Variants in CD163L1 observed in about 807,000 individuals in gnomAD.
The protein encoded by CD163L1 is CD163 molecule like 1, also known as scavenger receptor cysteine-rich type 1 protein M160.
A neutral mutation model predicts 165.4 loss-of-function variants in CD163L1; 124 were observed. That is an observed-to-expected ratio of 0.75 (90% CI 0.65 to 0.87). CD163L1 has a LOEUF of 0.87. CD163L1 is among the 40% of genes least tolerant of loss of function. The pLI is 0.00. For synonymous variants in CD163L1, 585 were observed against 662.2 expected (o/e 0.88, Z 1.79); for missense variants, 1,525 against 1,799.9 (o/e 0.85, Z 2.76).
At chr12:7,373,108 C>A (rs1352317000) in intron 14 of CD163L1, among the ~76,000 whole-genome samples, 1 of 152,026 alleles carries the variant, frequency 6.6e-6, no homozygotes, top group Non-Finnish European at 1.5e-5. Flanking sequence ...TTAAAGGAAT[C>A]AAAAGAGACA....
chr12:7,333,213 G>A, the CD163L1 span, among the ~76,000 whole-genome samples: 1 of 152,138 alleles, frequency 6.6e-6, no homozygotes, highest in African/African-American at 2.4e-5. Context: ...CACCACACCT[G>A]TTCCAAAATT....
At chr12:7,406,300 G>A (rs1041456244) in intron 5 of CD163L1, among the ~76,000 whole-genome samples, 1 of 152,098 alleles carries the variant, frequency 6.6e-6, no homozygotes, top group African/African-American at 2.4e-5. Context: ...ATGGTGTGTT[G>A]GGGGTGGGTA....
chr12:7,434,551 A>G (rs753244019), intron 2 of CD163L1, among the ~76,000 whole-genome samples: 25 of 152,300 alleles, frequency 1.6e-4, no homozygotes, highest in African/African-American at 5.5e-4. Context: ...TGAGTTTTCA[A>G]CGTGAAACTT....
At chr12:7,349,328 A>G (rs1048149909) in intron 4 of CD163L1, among the ~76,000 whole-genome samples, 16 of 152,184 alleles carry the variant, frequency 1.1e-4, no homozygotes, top group Non-Finnish European at 2.9e-5. Flanking sequence ...CAAATTCTCA[A>G]ATTGAGTTAT....
At chr12:7,431,151 G>A (rs1414412824) in intron 4 of CD163L1, among the ~76,000 whole-genome samples, 1 of 152,182 alleles carries the variant, frequency 6.6e-6, no homozygotes, top group African/African-American at 2.4e-5. Flanking sequence ...AGCCGGGTGC[G>A]GTGGCTCACG....
At chr12:7,329,336 A>ATTTTTTTTTTTT in the CD163L1 span, among the ~76,000 whole-genome samples, 2 of 139,142 alleles carry the variant, frequency 1.4e-5, no homozygotes, top group African/African-American at 2.6e-5. Context: ...ACCATATTTA[A>ATTTTTTTTTTTT]TTTTTTTTTC....
the CD163L1 span, among the ~76,000 whole-genome samples, chr12:7,322,791 G>A: frequency 2.6e-5 from 4 of 152,150 alleles, no homozygotes; most frequent in Non-Finnish European, 4.4e-5. Context: ...TAGCGGGTGG[G>A]TGAGGTTCAG....
intron 8 of CD163L1, among the ~76,000 whole-genome samples, chr12:7,386,971 C>T (rs189306336): frequency 1.1e-3 from 166 of 152,152 alleles, no homozygotes; most frequent in African/African-American, 3.7e-3. Context: ...GAAGTCCTAG[C>T]CAGAGCAATC....
intron 10 of CD163L1, 50 bp downstream of exon 10, chr12:7,375,650 A>T: frequency 6.2e-7 from 1 of 1,610,722 alleles, no homozygotes; most frequent in Admixed American, 1.7e-5. Flanking sequence ...CTCCAGCCCC[A>T]AACTCCCCAT....
downstream of CD163L1, among the ~76,000 whole-genome samples, chr12:7,344,637 C>T (rs80152975): frequency 0.03 from 4,581 of 152,306 alleles, 242 homozygotes; most frequent in African/African-American, 0.1. Flanking sequence ...TCCCACATTT[C>T]CCCTTGGTAT....
chr12:7,361,523 C>T (rs1303505125), intron 18 of CD163L1, among the ~76,000 whole-genome samples: 2 of 152,184 alleles, frequency 1.3e-5, no homozygotes, highest in East Asian at 3.9e-4. Flanking sequence ...GCCTGTGCCA[C>T]ATTGGCTGTA....
chr12:7,350,243 C>T (rs7488840), downstream of CD163L1, among the ~76,000 whole-genome samples: 10,431 of 152,248 alleles, frequency 0.069, 427 homozygotes, highest in East Asian at 0.16. Flanking sequence ...AGGTGCCAAG[C>T]TGGAGTCACA....
At chr12:7,409,396 G>A (rs748708423) in intron 4 of CD163L1, among the ~76,000 whole-genome samples, 9 of 152,160 alleles carry the variant, frequency 5.9e-5, no homozygotes, top group Non-Finnish European at 1.2e-4. Context: ...ATTTTTCCAC[G>A]GGGGTCGGGG....
chr12:7,390,728 T>TA (rs1340833096), intron 8 of CD163L1, among the ~76,000 whole-genome samples: 5 of 152,206 alleles, frequency 3.3e-5, no homozygotes, highest in African/African-American at 1.2e-4. Context: ...TTTAATATCT[T>TA]ATTCATTCAT....
chr12:7,430,949 A>T (rs1948617386), intron 4 of CD163L1, among the ~76,000 whole-genome samples: 1 of 152,138 alleles, frequency 6.6e-6, no homozygotes, highest in African/African-American at 2.4e-5. Context: ...TATAAAGTCA[A>T]CTAAACGTGC....
chr12:7,421,334 A>C (rs1362419196), intron 4 of CD163L1, among the ~76,000 whole-genome samples: 1 of 103,696 alleles, frequency 9.6e-6, no homozygotes, highest in Admixed American at 1.1e-4. Flanking sequence ...ATATGTATAT[A>C]TATCTTCCAA....
At chr12:7,416,992 T>C (rs1009328636) in intron 4 of CD163L1, among the ~76,000 whole-genome samples, 1 of 152,174 alleles carries the variant, frequency 6.6e-6, no homozygotes, top group African/African-American at 2.4e-5. Flanking sequence ...GCATTGAATC[T>C]ATAAATTACT....
chr12:7,323,988 G>T, the CD163L1 span, among the ~76,000 whole-genome samples: 1 of 152,000 alleles, frequency 6.6e-6, no homozygotes, highest in Non-Finnish European at 1.5e-5. Context: ...ACCAGCCTGG[G>T]CAACATAGTG....
the CD163L1 span, among the ~76,000 whole-genome samples, chr12:7,326,343 T>C: frequency 6.6e-6 from 1 of 152,206 alleles, no homozygotes; most frequent in Non-Finnish European, 1.5e-5. Flanking sequence ...TTGCTAGTAC[T>C]ACAGGTGTGC....
Sources: gnomAD v4.1 joint callset for allele counts (sites outside exome capture counted in the v4.1 genomes callset) on GRCh38, gnomAD v4.1.1 for gene constraint, MANE v1.5 for transcripts, NCBI Gene and HGNC (gene_info 2026-07-23, HGNC 2026-07-21) for gene names.